The following BCL2 variants were observed in gnomAD, a reference collection of about 807,000 sequenced individuals.
The protein encoded by BCL2 is apoptosis regulator Bcl-2.
Under a neutral mutation model 14.2 loss-of-function variants are expected in BCL2, and 1 was observed. The observed-to-expected ratio is 0.07, with a 90% CI of 0.02 to 0.33. The LOEUF is 0.33. BCL2 is among the 10% of genes least tolerant of loss of function. The pLI is 0.99. For missense variants in BCL2, 247 were observed against 305.9 expected (o/e 0.81, Z 1.44); for synonymous variants, 151 against 137.2 (o/e 1.10, Z -0.70).
At chr18:63,196,664 G>C (rs72943060) in intron 2 of BCL2, among the ~76,000 whole-genome samples, 1,715 of 152,188 alleles carry the variant, frequency 0.011, 14 homozygotes, top group South Asian at 0.019. Flanking sequence ...CAGGCATCAA[G>C]AAAGAACCGT....
chr18:63,307,120 AAC>A (rs1014133825), intron 2 of BCL2, among the ~76,000 whole-genome samples: 8 of 152,182 alleles, frequency 5.3e-5, no homozygotes, highest in African/African-American at 1.9e-4. Context: ...CCCACTTAAA[AAC>A]ACAGAGATGC....
chr18:63,188,490 T>A lies in BCL2; in HGVS notation c.586-59731A>T, dbSNP rs557298052. Among the ~76,000 whole-genome samples, 3 of 152,294 alleles carry A rather than the reference T, an allele frequency of 2.0e-5. No individual in the cohort carries two copies. In the South Asian group the frequency reaches 6.2e-4, roughly 32 times the overall value. ...ACTGAAGAAACAGTAAAATAATCAG[T>A]TTGGAAATTATGAATGACCCTAAAC... is the stretch of plus-strand genomic sequence containing the variant. On this transcript the variant is annotated intron_variant, in intron 2 of 2. Coordinates refer to ENST00000333681, the MANE Select transcript of BCL2 (RefSeq NM_000633.3).
chr18:63,261,796 T>C (rs141118781), intron 2 of BCL2, among the ~76,000 whole-genome samples: 14 of 140,676 alleles, frequency 1.0e-4, no homozygotes, highest in Admixed American at 5.9e-4. Context: ...TTTTTCTTTT[T>C]TTTTTTTTAT....
At chr18:63,182,933 G>A (rs551866526) in intron 2 of BCL2, among the ~76,000 whole-genome samples, 2 of 152,234 alleles carry the variant, frequency 1.3e-5, no homozygotes, top group Non-Finnish European at 2.9e-5. Flanking sequence ...GATGGAAACA[G>A]AGGCTTCCTG....
chr18:63,298,479 C>T (rs1912863359), intron 2 of BCL2, among the ~76,000 whole-genome samples: 1 of 152,160 alleles, frequency 6.6e-6, no homozygotes, highest in Admixed American at 6.5e-5. Flanking sequence ...CAAATAGCTA[C>T]CTCTAAATGC....
At chr18:63,129,454 T>C (rs917989336) in intron 2 of BCL2, among the ~76,000 whole-genome samples, 51 of 152,184 alleles carry the variant, frequency 3.4e-4, no homozygotes, top group African/African-American at 1.2e-3. Context: ...AATTTTTAAA[T>C]TTTTTGTAGA....
At chr18:63,179,558 T>C (rs936338029) in intron 2 of BCL2, among the ~76,000 whole-genome samples, 2 of 152,188 alleles carry the variant, frequency 1.3e-5, no homozygotes, top group African/African-American at 4.8e-5. Flanking sequence ...GTTCTAATCC[T>C]ATGGGCTTGG....
chr18:63,171,367 C>G (rs139064383), intron 2 of BCL2, among the ~76,000 whole-genome samples: 1 of 152,224 alleles, frequency 6.6e-6, no homozygotes, highest in Non-Finnish European at 1.5e-5. Flanking sequence ...TCCACTAGCA[C>G]GGTGTGAATG....
chr18:63,301,795 G>C (rs190049301), intron 2 of BCL2, among the ~76,000 whole-genome samples: 4 of 152,212 alleles, frequency 2.6e-5, no homozygotes, highest in Admixed American at 1.3e-4. Flanking sequence ...GCCTGTCCAC[G>C]GCACAGAATC....
At chr18:63,301,956 A>T (rs1186595531) in intron 2 of BCL2, among the ~76,000 whole-genome samples, 2 of 152,236 alleles carry the variant, frequency 1.3e-5, no homozygotes, top group Non-Finnish European at 2.9e-5. Flanking sequence ...TAAATATTAC[A>T]ATGTTGGGTT....
At chr18:63,169,370 T>TC in intron 2 of BCL2, among the ~76,000 whole-genome samples, 5 of 796 alleles carry the variant, frequency 6.3e-3, no homozygotes, top group African/African-American at 0.017. Context: ...TCTTTCTTTC[T>TC]CTTTCTTTCT....
intron 2 of BCL2, among the ~76,000 whole-genome samples, chr18:63,240,492 CA>C (rs1910969411): frequency 6.6e-6 from 1 of 152,168 alleles, no homozygotes. Flanking sequence ...CCCATAGTTA[CA>C]GGGGAAATAT....
At chr18:63,161,471 T>C (rs981219803) in intron 2 of BCL2, among the ~76,000 whole-genome samples, 1 of 152,200 alleles carries the variant, frequency 6.6e-6, no homozygotes, top group African/African-American at 2.4e-5. Context: ...GAGGCTCAGC[T>C]GAGGCCCTTG....
intron 2 of BCL2, among the ~76,000 whole-genome samples, chr18:63,199,034 GAC>G (rs1164415671): frequency 2.1e-5 from 3 of 145,088 alleles, no homozygotes; most frequent in African/African-American, 5.2e-5. Flanking sequence ...CTGACATACA[GAC>G]ACAGACATAC....
chr18:63,281,831 T>C (rs1912330104), intron 2 of BCL2, among the ~76,000 whole-genome samples: 1 of 152,252 alleles, frequency 6.6e-6, no homozygotes, highest in Non-Finnish European at 1.5e-5. Context: ...ATTTTAATTT[T>C]AACATGTTAA....
intron 2 of BCL2, among the ~76,000 whole-genome samples, chr18:63,267,913 C>T (rs982091113): frequency 1.3e-5 from 2 of 151,932 alleles, no homozygotes; most frequent in Non-Finnish European, 2.9e-5. Flanking sequence ...GTCTTTCTTC[C>T]TTCCTTCCTA....
At chr18:63,131,130 ACT>A in intron 2 of BCL2, among the ~76,000 whole-genome samples, 1 of 151,956 alleles carries the variant, frequency 6.6e-6, no homozygotes, top group Middle Eastern at 3.4e-3. Context: ...AGGCTGAGAA[ACT>A]CTGGTTTATA....
chr18:63,290,166 G>C (rs1256309245), intron 2 of BCL2, among the ~76,000 whole-genome samples: 1 of 152,146 alleles, frequency 6.6e-6, no homozygotes. Context: ...GTCCAAGGAA[G>C]GTTTTGGAGG....
At chr18:63,293,676 G>A (rs1405920705) in intron 2 of BCL2, among the ~76,000 whole-genome samples, 1 of 152,104 alleles carries the variant, frequency 6.6e-6, no homozygotes, top group Non-Finnish European at 1.5e-5. Context: ...GCTGGGGGGA[G>A]ACAAGTACAT....
Sources: gnomAD v4.1 joint callset for allele counts (sites outside exome capture counted in the v4.1 genomes callset) on GRCh38, gnomAD v4.1.1 for gene constraint, MANE v1.5 for transcripts, NCBI Gene and HGNC (gene_info 2026-07-23, HGNC 2026-07-21) for gene names.